Variants in LAMA2 observed in about 807,000 individuals in gnomAD.
LAMA2 encodes laminin subunit alpha-2.
In LAMA2, 269 loss-of-function variants were observed where a neutral mutation model predicts 364.8. The ratio of observed to expected loss-of-function variants is 0.74; its 90% CI spans 0.67 to 0.82. LAMA2 has a LOEUF of 0.82. Ranked by LOEUF, LAMA2 falls within the 40% of genes least tolerant of loss-of-function variation. The pLI is 0.00. For missense variants in LAMA2, 3,807 were observed against 3,873.2 expected, an observed-to-expected ratio of 0.98 and a Z score of 0.45; for synonymous variants, 1,379 against 1,370.6, an observed-to-expected ratio of 1.01 and a Z score of -0.14.
At chr6:129,254,392 C>T (rs1268851972) in intron 14 of LAMA2, among the ~76,000 whole-genome samples, 2 of 152,182 alleles carry the variant, frequency 1.3e-5, no homozygotes, top group Non-Finnish European at 2.9e-5. Flanking sequence ...TCAATCACTT[C>T]ATCTGTAAAA....
intron 2 of LAMA2, among the ~76,000 whole-genome samples, chr6:129,050,308 T>C (rs1303157383): frequency 6.6e-6 from 1 of 152,234 alleles, no homozygotes; most frequent in African/African-American, 2.4e-5. Flanking sequence ...ATTCGCCAGC[T>C]GAAGGCCTGT....
intron 29 of LAMA2, among the ~76,000 whole-genome samples, chr6:129,334,568 A>C (rs914676766): frequency 5.9e-5 from 9 of 152,236 alleles, no homozygotes; most frequent in Non-Finnish European, 1.2e-4. Context: ...ATAAGTAAAA[A>C]AAATTCATGT....
At chr6:128,963,577 A>T (rs1187369092) in intron 1 of LAMA2, among the ~76,000 whole-genome samples, 1 of 152,116 alleles carries the variant, frequency 6.6e-6, no homozygotes, top group Non-Finnish European at 1.5e-5. Flanking sequence ...TCAAAGGAAG[A>T]GTTGCATCAA....
chr6:129,385,833 C>T (rs953097249), intron 35 of LAMA2, among the ~76,000 whole-genome samples: 2 of 152,140 alleles, frequency 1.3e-5, no homozygotes, highest in African/African-American at 4.8e-5. Context: ...GTATTACTTT[C>T]TATTCTTAAT....
chr6:129,364,874 C>A (rs1242824291), intron 32 of LAMA2, among the ~76,000 whole-genome samples: 1 of 152,186 alleles, frequency 6.6e-6, no homozygotes, highest in Non-Finnish European at 1.5e-5. Flanking sequence ...AACTTTCACT[C>A]ATGGCAGAAG....
chr6:129,291,533 TGTGG>T (rs1789701706), intron 19 of LAMA2, 77 bp from the exon 20 acceptor site: 1 of 943,164 alleles, frequency 1.1e-6, no homozygotes, highest in Non-Finnish European at 1.7e-6. Flanking sequence ...CATGTTACCA[TGTGG>T]GGTATATTAT....
At chr6:129,124,056 C>T (rs765090104) in intron 4 of LAMA2, among the ~76,000 whole-genome samples, 7 of 152,084 alleles carry the variant, frequency 4.6e-5, no homozygotes, top group Non-Finnish European at 1.0e-4. Flanking sequence ...GTCAATCAAC[C>T]TCAACATGTT....
intron 14 of LAMA2, among the ~76,000 whole-genome samples, chr6:129,255,021 T>C (rs1015408951): frequency 1.3e-5 from 2 of 150,432 alleles, no homozygotes; most frequent in Non-Finnish European, 2.9e-5. Flanking sequence ...CAATGAAATG[T>C]GGTAGAAATG....
intron 4 of LAMA2, among the ~76,000 whole-genome samples, chr6:129,115,810 T>G (rs890143434): frequency 6.6e-6 from 1 of 152,154 alleles, no homozygotes; most frequent in Non-Finnish European, 1.5e-5. Flanking sequence ...TGAGGAAGTA[T>G]AAATACATAT....
chr6:129,393,307 G>C (rs769202668), intron 37 of LAMA2, 52 bp downstream of exon 37: 1 of 1,360,684 alleles, frequency 7.3e-7, no homozygotes, highest in Admixed American at 1.7e-5. Context: ...GGGACTGCGG[G>C]GGCAGTGTTG....
At chr6:129,132,862 G>A (rs1777573190) in intron 4 of LAMA2, among the ~76,000 whole-genome samples, 1 of 152,078 alleles carries the variant, frequency 6.6e-6, no homozygotes, top group Non-Finnish European at 1.5e-5. Context: ...ATTTACCTTT[G>A]TTAGAGAAAA....
chr6:129,257,835 A>G (rs1470409398), intron 14 of LAMA2, among the ~76,000 whole-genome samples: 2 of 152,126 alleles, frequency 1.3e-5, no homozygotes, highest in African/African-American at 2.4e-5. Context: ...AAATCAAACA[A>G]GTAATTTGTC....
intron 1 of LAMA2, among the ~76,000 whole-genome samples, chr6:128,992,335 T>C (rs1411233313): frequency 6.6e-6 from 1 of 152,208 alleles, no homozygotes; most frequent in Non-Finnish European, 1.5e-5. Flanking sequence ...CAAAAAGTAG[T>C]TAAATGGCTA....
intron 37 of LAMA2, among the ~76,000 whole-genome samples, chr6:129,393,985 G>A (rs1313316201): frequency 6.6e-6 from 1 of 152,144 alleles, no homozygotes; most frequent in Non-Finnish European, 1.5e-5. Context: ...ATTATGGGCA[G>A]CCTCTATCTT....
intron 22 of LAMA2, among the ~76,000 whole-genome samples, chr6:129,311,047 C>T (rs1440538485): frequency 6.6e-6 from 1 of 152,034 alleles, no homozygotes; most frequent in Non-Finnish European, 1.5e-5. Flanking sequence ...AATGTGCCCT[C>T]CCAACTAAAG....
At chr6:129,476,532 A>T (rs942673626) in intron 53 of LAMA2, among the ~76,000 whole-genome samples, 8 of 152,152 alleles carry the variant, frequency 5.3e-5, no homozygotes, top group Non-Finnish European at 8.8e-5. Flanking sequence ...GTGACTATTT[A>T]TCCCCTGTAA....
At chr6:129,174,764 G>A (rs917617506) in intron 9 of LAMA2, among the ~76,000 whole-genome samples, 1 of 152,102 alleles carries the variant, frequency 6.6e-6, no homozygotes, top group Non-Finnish European at 1.5e-5. Context: ...TCATCTCCAA[G>A]GGGTTTCTTT....
At position 129,174,826 on chromosome 6, in the gene LAMA2, TCTACCTACCTAC is replaced by T. The variant is rs527412635; in HGVS notation, c.1307-2864_1307-2853del. On this transcript the variant is annotated intron_variant, in intron 9 of 64. Transcript: ENST00000421865. The stretch of plus-strand genomic sequence containing the variant: ...TATCTGCCATCTGTCTTTCGATCTA[TCTACCTACCTAC>T]CTACCTACCTACCTATCTATTTTTC... 7.4e-3 allele frequency among the ~76,000 whole-genome samples: 1,133 copies of T among 152,220 alleles called. 15 individuals are homozygous for T. The highest frequency in any genetic ancestry group is 0.026 in the African/African-American group (1,096 of 41,542).
chr6:128,953,989 C>A (rs778018638), intron 1 of LAMA2, among the ~76,000 whole-genome samples: 10 of 152,084 alleles, frequency 6.6e-5, no homozygotes, highest in Non-Finnish European at 1.0e-4. Flanking sequence ...TTGTATCCTG[C>A]AGATTTTTGT....
Sources: gnomAD v4.1 joint callset for allele counts (sites outside exome capture counted in the v4.1 genomes callset) on GRCh38, gnomAD v4.1.1 for gene constraint, MANE v1.5 for transcripts, NCBI Gene and HGNC (gene_info 2026-07-23, HGNC 2026-07-21) for gene names.